The following SBSN variants were observed in gnomAD, a reference collection of about 807,000 sequenced individuals.
The protein encoded by SBSN is HLAR698.
A neutral mutation model predicts 42.8 loss-of-function variants in SBSN; 33 were observed. That is an observed-to-expected ratio of 0.77 (90% CI 0.58 to 1.03). The LOEUF (loss-of-function observed/expected upper bound fraction) is 1.03, where lower values mean the gene tolerates loss of function less well. Among genes scored for constraint, SBSN ranks in the 50% least tolerant of loss-of-function variants. The probability of loss-of-function intolerance (pLI) is 0.00; values close to 1 mark genes in which losing one functional copy is unlikely to be tolerated. For missense variants in SBSN, 646 were observed against 757.3 expected (o/e 0.85, Z 1.72); for synonymous variants, 276 against 307.0 (o/e 0.90, Z 1.06).
intron 1 of SBSN, among the ~76,000 whole-genome samples, chr19:35,526,327 C>T (rs1364872200): frequency 6.6e-6 from 1 of 152,106 alleles, no homozygotes; most frequent in African/African-American, 2.4e-5. Flanking sequence ...TTTCCCATTC[C>T]CCAGGAAGGG....
chr19:35,524,566 AGG>A, intron 3 of SBSN, 143 bp downstream of exon 3: 1 of 740,134 alleles, frequency 1.4e-6, no homozygotes, highest in Non-Finnish European at 2.3e-6. Context: ...AGGGAAGCCC[AGG>A]ACTGGGTATC....
intron 1 of SBSN, 90 bp from the exon 2 acceptor site, chr19:35,525,014 G>A (rs550461231): frequency 1.9e-5 from 26 of 1,398,844 alleles, no homozygotes; most frequent in Non-Finnish European, 2.6e-5. Flanking sequence ...CCCCTCCAGG[G>A]TGACTGGGGC....
chr19:35,524,965 G>T (rs753211714), intron 1 of SBSN, 41 bp from the exon 2 acceptor site: 44 of 1,603,032 alleles, frequency 2.7e-5, no homozygotes, highest in Non-Finnish European at 3.6e-5. Context: ...CCCCACAAAC[G>T]CGGAGGGTCT....
In SBSN at chr19:35,524,711, C is replaced by A; in HGVS notation, c.1749G>T (p.Arg583Ser). 1 of 1,614,034 alleles carries A rather than the reference C, an allele frequency of 6.2e-7. No individual in the cohort carries two copies. The highest frequency in any genetic ancestry group is 1.1e-5 in the South Asian group (1 of 91,076). Residue 583 changes from arginine (R) to serine (S), a missense_variant and splice_region_variant, in exon 3 of 4, where the codon AGG (arginine) becomes AGT (serine). Physicochemically the swap from Arg to Ser is moderately radical, Grantham distance 110. Coordinates refer to ENST00000452271, the MANE Select transcript of SBSN (RefSeq NM_001166034.2). ...AAAAGAGACACCATGGGGCACTCACCCTCCACAGGGCGGGAAGGTTGATGA... is the reference window on the plus strand; with the variant it reads ...AAAAGAGACACCATGGGGCACTCACACTCCACAGGGCGGGAAGGTTGATGA... ...TPFINLPALW[R>S]SVANIMP
chr19:35,524,615 C>T (rs779405209), intron 3 of SBSN, 96 bp downstream of exon 3: 88 of 1,367,388 alleles, frequency 6.4e-5, no homozygotes, highest in Admixed American at 1.5e-4. Context: ...CAGGTCTGCC[C>T]GCCCGGGGAG....
intron 1 of SBSN, among the ~76,000 whole-genome samples, chr19:35,525,299 G>A (rs899744119): frequency 3.9e-5 from 6 of 151,986 alleles, no homozygotes; most frequent in Non-Finnish European, 7.4e-5. Flanking sequence ...TAACTCCACT[G>A]ATCCTTGTCC....
In SBSN at chr19:35,526,723, G is replaced by A. The variant is rs750721983; in HGVS notation, c.1559C>T (p.Ala520Val). 1 of 1,612,734 alleles carries A rather than the reference G, an allele frequency of 6.2e-7. No individual in the cohort carries two copies. The highest frequency in any genetic ancestry group is 1.1e-5 in the South Asian group (1 of 91,008). ...CTGCAGCTCCTTCCCGGCCTGGCCA[G>A]CAGCATGGTGGGCACCTTGGCCAAG... is the stretch of plus-strand genomic sequence containing the variant. ...EKLGQGAHHA[A>V]GQAGKELQNA... is the part of the protein sequence containing the mutation. The change falls in exon 1 of 4, where the codon GCT becomes GTT. Residue 520 changes from alanine (A) to valine (V), a missense_variant. Physicochemically the swap from Ala to Val is moderately conservative, Grantham distance 64. Around this residue, in one of 3 missense-constraint regions of SBSN, gnomAD observed 236 missense variants for 225.6 expected, o/e 1.05. Coordinates refer to ENST00000452271, the MANE Select transcript of SBSN (RefSeq NM_001166034.2).
In SBSN at chr19:35,527,769, G is replaced by C. The variant is rs1296555582; in HGVS notation, c.513C>G (p.Gly171=). ...GQAGNEAGRF[G]QGVHHAAGQA... is the part of the protein sequence containing the mutation. ...GCCCTGCAGCATGGTGGACTCCCTGGCCAAACCTCCCAGCCTCATTTCCAG... is the reference window on the plus strand; with the variant it reads ...GCCCTGCAGCATGGTGGACTCCCTGCCCAAACCTCCCAGCCTCATTTCCAG... The change falls in exon 1 of 4, where the codon GGC becomes GGG. Residue 171 remains glycine, a synonymous_variant. Coordinates refer to ENST00000452271, the MANE Select transcript of SBSN (RefSeq NM_001166034.2). 6.3e-7 allele frequency: 1 copy of C among 1,587,610 alleles called. No homozygotes were observed. Among genetic ancestry groups the C allele is most frequent in the East Asian group, 2.2e-5 (1 of 44,864 alleles).
Position 35,524,742 on chromosome 19 carries a change from G to T in SBSN, c.1718C>A (p.Thr573Lys). The T allele has an allele frequency of 6.2e-7, 1 of 1,614,008 alleles. No individual in the cohort carries two copies. Among genetic ancestry groups the T allele is most frequent in the Non-Finnish European group, 8.5e-7 (1 of 1,179,976 alleles). The part of the protein sequence containing the change: ...TPLASGASVN[T>K]PFINLPALWR... ...CAGGGCGGGAAGGTTGATGAAAGGCGTGTTGACCGAGGCCTGCAATTCAAG... is the reference window on the plus strand; with the variant it reads ...CAGGGCGGGAAGGTTGATGAAAGGCTTGTTGACCGAGGCCTGCAATTCAAG... The change falls in exon 3 of 4, where the codon ACG becomes AAG. Residue 573 changes from threonine to lysine, a missense_variant. Thr to Lys is a moderately conservative substitution (Grantham distance 78). This residue lies in a region of SBSN where 236 missense variants were observed against 225.6 expected (regional missense o/e 1.05). Transcript: ENST00000452271.
At position 35,527,223 on chromosome 19, in the gene SBSN, C is replaced by A. The variant is rs566441586; in HGVS notation, c.1059G>T (p.Gly353=). 5.3e-4 allele frequency: 814 copies of A among 1,535,682 alleles called. 4 individuals are homozygous for A. The African/African-American group carries it at 0.01, about 19-fold the overall frequency. Reference sequence around the variant, plus strand: ...CAAACTGACTGGCAGCATGGTGGACCCCCTGGCCAAACTTCTCTGTCTCCT... The same window carrying A: ...CAAACTGACTGGCAGCATGGTGGACACCCTGGCCAAACTTCTCTGTCTCCT... ...GWKETEKFGQ[G]VHHAASQFGK... Residue 353 remains glycine, a synonymous_variant, in exon 1 of 4, where the codon GGG becomes GGT. Coordinates refer to ENST00000452271, the MANE Select transcript of SBSN (RefSeq NM_001166034.2).
intron 3 of SBSN, 127 bp from the exon 4 acceptor site, chr19:35,523,660 G>A (rs1305821301): frequency 3.1e-6 from 3 of 955,026 alleles, no homozygotes; most frequent in Middle Eastern, 2.4e-4. Flanking sequence ...GTTATGTTCT[G>A]GGGAAGTTTC....
At position 35,527,096 on chromosome 19, in the gene SBSN, G is replaced by T. The variant is rs1229107213; in HGVS notation, c.1186C>A (p.Gln396Lys). The T allele has an allele frequency of 1.3e-6, 2 of 1,537,316 alleles. No individual in the cohort carries two copies. Among genetic ancestry groups the T allele is most frequent in the African/African-American group, 2.7e-5 (2 of 72,950 alleles). The change falls in exon 1 of 4, where the codon CAG becomes AAG. Residue 396 changes from glutamine (Q) to lysine (K), a missense_variant. Gln to Lys is a moderately conservative substitution (Grantham distance 53). Coordinates refer to ENST00000452271, the MANE Select transcript of SBSN (RefSeq NM_001166034.2). Reference sequence around the variant, plus strand: ...ACTCTGTCTTCCTCCTTCCCCACCTGCGAGGCAGCATGGTGGACACCCTGG... The same window carrying T: ...ACTCTGTCTTCCTCCTTCCCCACCTTCGAGGCAGCATGGTGGACACCCTGG... ...FGQGVHHAASQVGKEEDRVVQ... is the reference protein window; with the variant it reads ...FGQGVHHAASKVGKEEDRVVQ...
At chr19:35,525,703 G>GAC in intron 1 of SBSN, among the ~76,000 whole-genome samples, 1 of 151,726 alleles carries the variant, frequency 6.6e-6, no homozygotes, top group Non-Finnish European at 1.5e-5. Context: ...TTTTTTTTGA[G>GAC]ACAGAGTCTC....
rs1375454225 is a variant in SBSN, at chr19:35,527,545, G to C, written c.737C>G (p.Ala246Gly). 7.1e-7 allele frequency: 1 copy of C among 1,411,572 alleles called. No individual in the cohort carries two copies. Among genetic ancestry groups the C allele is most frequent in the Non-Finnish European group, 9.2e-7 (1 of 1,089,118 alleles). The allele number at this position is 1,411,572 out of a possible 1,614,324, so 87.4% of individuals were successfully genotyped here. A position where few individuals can be genotyped will look rare whatever the true frequency, so the allele number is the denominator to read the frequency against. The part of the protein sequence containing the change: ...GKEAEKFGQG[A>G]HHAAGQAGNE... ...TCCGGCCTGCCCCGCAGCATGGTGG[G>C]CCCCCTGGCCAAACTTCTCTGCCTC... The change falls in exon 1 of 4, where the codon GCC becomes GGC. Residue 246 changes from alanine to glycine, a missense_variant. Ala to Gly is a moderately conservative substitution (Grantham distance 60). Transcript: ENST00000452271.
rs371908772 is a variant in SBSN, at chr19:35,526,423, G to A, written c.1638+221C>T. Among the ~76,000 whole-genome samples the A allele has an allele frequency of 2.5e-4, 38 of 152,208 alleles. 1 individual carries two copies. Among genetic ancestry groups the A allele is most frequent in the African/African-American group, 9.1e-4 (38 of 41,532 alleles). On this transcript the variant is annotated intron_variant, in intron 1 of 3. Coordinates refer to ENST00000452271, the MANE Select transcript of SBSN (RefSeq NM_001166034.2). Reference sequence around the variant, plus strand: ...GGGTGCCCGCCACCCTGTCTGATACGTGCTTTGCAGATAAGGTGGCTCACC... The same window carrying A: ...GGGTGCCCGCCACCCTGTCTGATACATGCTTTGCAGATAAGGTGGCTCACC...
chr19:35,525,572 C>G (rs528133019), intron 1 of SBSN, among the ~76,000 whole-genome samples: 1 of 149,684 alleles, frequency 6.7e-6, no homozygotes, highest in Admixed American at 6.8e-5. Context: ...AGAGTGAGGG[C>G]GCACAGGAGT....
Position 35,527,028 on chromosome 19 carries a change from C to G in SBSN, c.1254G>C (p.Glu418Asp), listed in dbSNP as rs560136320. The G allele has an allele frequency of 6.5e-7, 1 of 1,541,678 alleles. No homozygotes were observed. The highest frequency in any genetic ancestry group is 8.7e-7 in the Non-Finnish European group (1 of 1,146,968). Residue 418 changes from glutamate (E) to aspartate (D), a missense_variant, in exon 1 of 4, where the codon GAG becomes GAC. Glu to Asp is a conservative substitution (Grantham distance 45, BLOSUM62 2). Coordinates refer to ENST00000452271, the MANE Select transcript of SBSN (RefSeq NM_001166034.2). ...LHHGVSQAGREAGQFGHDIHH... is the reference protein window; with the variant it reads ...LHHGVSQAGRDAGQFGHDIHH... ...GAATGTCGTGGCCAAACTGCCCCGC[C>G]TCCCTTCCAGCCTGACTAACGCCAT...
chr19:35,527,019 C>G lies in SBSN; in HGVS notation c.1263G>C (p.Gln421His). Residue 421 changes from glutamine to histidine, a missense_variant, in exon 1 of 4, where the codon CAG becomes CAC. Physicochemically the swap from Gln to His is conservative, Grantham distance 24. Transcript: ENST00000452271. ...GVSQAGREAG[Q>H]FGHDIHHTAG... ...CTGTGTGGTGAATGTCGTGGCCAAA[C>G]TGCCCCGCCTCCCTTCCAGCCTGAC... 1 of 1,543,772 alleles carries G rather than the reference C, an allele frequency of 6.5e-7. No individual in the cohort carries two copies. Among genetic ancestry groups the G allele is most frequent in the Non-Finnish European group, 8.7e-7 (1 of 1,146,902 alleles).
intron 1 of SBSN, among the ~76,000 whole-genome samples, chr19:35,526,422 C>T (rs571641798): frequency 2.6e-5 from 4 of 152,250 alleles, no homozygotes; most frequent in East Asian, 3.9e-4. Flanking sequence ...CTGTCTGATA[C>T]GTGCTTTGCA....
Sources: gnomAD v4.1 joint callset for allele counts (sites outside exome capture counted in the v4.1 genomes callset) on GRCh38, gnomAD v4.1.1 for gene constraint, gnomAD v4.1.1 regional missense constraint, MANE v1.5 for transcripts, NCBI Gene and HGNC (gene_info 2026-07-23, HGNC 2026-07-21) for gene names.